Variants in NOTCH1 observed in about 807,000 individuals in gnomAD.
NOTCH1 encodes the protein neurogenic locus notch homolog protein 1.
A neutral mutation model predicts 254.8 loss-of-function variants in NOTCH1; 37 were observed. The ratio of observed to expected loss-of-function variants is 0.15; its 90% CI spans 0.11 to 0.19. The LOEUF (loss-of-function observed/expected upper bound fraction) is 0.19. Ranked by LOEUF, NOTCH1 falls within the 10% of genes least tolerant of loss-of-function variation. The pLI, the probability that NOTCH1 is intolerant of heterozygous loss-of-function variation, is 1.00. For missense variants in NOTCH1, 2,972 were observed against 3,708.6 expected, an observed-to-expected ratio of 0.80 and a Z score of 5.16; for synonymous variants, 1,731 against 1,618.1, an observed-to-expected ratio of 1.07 and a Z score of -1.68.
rs935662425 is a variant in NOTCH1 at position 136,499,011 on chromosome 9, C to T, written c.6083-15G>A. The stretch of plus-strand genomic sequence containing the variant: ...GGCGGACTTGCCTGCGTGAAAGAAG[C>T]AGATGGGGTAGGTTGGAGACCAGCT... On this transcript the variant is annotated splice_polypyrimidine_tract_variant and intron_variant, in intron 32 of 33. Coordinates refer to ENST00000651671, the MANE Select transcript of NOTCH1 (RefSeq NM_017617.5). The T allele has an allele frequency of 6.2e-7, 1 of 1,613,116 alleles. No homozygotes were observed. The highest frequency in any genetic ancestry group is 2.2e-5 in the East Asian group (1 of 44,884).
At position 136,497,421 on chromosome 9, in the gene NOTCH1, A is replaced by T. The variant is rs1842934886; in HGVS notation, c.6318T>A (p.His2106Gln). The T allele has an allele frequency of 1.9e-6, 3 of 1,611,760 alleles. No homozygotes were observed. ...LPRDIAQERM[H>Q]HDIVRLLDEY... ...CGTCCAGCAGCCTCACGATGTCGTG[A>T]TGCATGCGCTCCTGTGCGATGTCGC... The change falls in exon 34 of 34, where the codon CAT (histidine) becomes CAA (glutamine). Residue 2106 changes from histidine to glutamine, a missense_variant. Around this residue, in one of 8 missense-constraint regions of NOTCH1, gnomAD observed 529 missense variants for 529.2 expected, o/e 1.00. Transcript: ENST00000651671.
In NOTCH1 at chr9:136,513,208, C is replaced by T; in HGVS notation, c.2354-74G>A. 1 of 1,457,486 alleles carries T rather than the reference C, an allele frequency of 6.9e-7. No homozygotes were observed. The highest frequency in any genetic ancestry group is 1.1e-5 in the South Asian group (1 of 87,478). The allele number at this position is 1,457,486 out of a possible 1,614,324, so 90.3% of individuals were successfully genotyped here. On this transcript the variant is annotated intron_variant, in intron 14 of 33. Transcript: ENST00000651671. The surrounding 1 kb of genome is among the most constrained non-coding windows in gnomAD (Gnocchi z 4.7). ...TTGGCAGGGCCCCACAACAGCAGCCCTGGGCCTGCTCCCCACCCCAGGCCC... is the reference window on the plus strand; with the variant it reads ...TTGGCAGGGCCCCACAACAGCAGCCTTGGGCCTGCTCCCCACCCCAGGCCC...
In NOTCH1 at chr9:136,504,701, T is replaced by TCCG; in HGVS notation, c.4987_4989dup (p.Arg1664dup). 1 of 1,534,210 alleles carries TCCG rather than the reference T, an allele frequency of 6.5e-7. No individual in the cohort carries two copies. Among genetic ancestry groups the TCCG allele is most frequent in the Non-Finnish European group, 8.8e-7 (1 of 1,138,874 alleles). On this transcript the variant is annotated inframe_insertion, in exon 26 of 34. Coordinates refer to ENST00000651671, the MANE Select transcript of NOTCH1 (RefSeq NM_017617.5). The stretch of plus-strand genomic sequence containing the variant: ...CGGACGTCCATGGGGTCCAGCTCCC[T>TCCG]CCGCCGCCGCCCACCCTCGCTGCCA...
intron 9 of NOTCH1, among the ~76,000 whole-genome samples, chr9:136,516,329 C>T (rs1843272219): frequency 6.6e-6 from 1 of 152,250 alleles, no homozygotes; most frequent in African/African-American, 2.4e-5. Context: ...CCCAAACCGA[C>T]TGGGTTGCTA....
intron 2 of NOTCH1, among the ~76,000 whole-genome samples, chr9:136,535,724 GGGTGGA>G (rs577187868): frequency 9.6e-5 from 3 of 31,202 alleles, no homozygotes; most frequent in Admixed American, 2.9e-4. Context: ...GGGTGGGAGT[GGGTGGA>G]GGGGGGAGCA....
intron 5 of NOTCH1, 39 bp from the exon 6 acceptor site, chr9:136,518,863 A>G: frequency 6.3e-7 from 1 of 1,576,914 alleles, no homozygotes; most frequent in African/African-American, 1.3e-5. Context: ...GGCAGCTGCC[A>G]CTCCCTGAGC....
rs777809068 is a variant in NOTCH1, at chr9:136,496,990, G to A, written c.6749C>T (p.Ala2250Val). ...THLGIGHLNV[A>V]AKPEMAALGG... ...CAGCGCCGCCATCTCGGGCTTGGCC[G>A]CCACGTTCAGGTGCCCGATGCCCAG... Residue 2250 changes from alanine (A) to valine (V), a missense_variant, in exon 34 of 34, where the codon GCG becomes GTG. This residue lies in a region of NOTCH1 where 529 missense variants were observed against 529.2 expected (regional missense o/e 1.00). Transcript: ENST00000651671. The A allele has an allele frequency of 1.8e-5, 29 of 1,610,098 alleles. No homozygotes were observed. Among genetic ancestry groups the A allele is most frequent in the Admixed American group, 3.3e-5 (2 of 59,852 alleles).
chr9:136,509,252 C>T (rs2133349334), intron 18 of NOTCH1, among the ~76,000 whole-genome samples, 181 bp from the exon 19 acceptor site: 1 of 152,360 alleles, frequency 6.6e-6, no homozygotes, highest in Non-Finnish European at 1.5e-5. Context: ...CCGGCTCTCA[C>T]ACCACGTCAC....
At chr9:136,514,407 C>T (rs906080547) in intron 13 of NOTCH1, 103 bp downstream of exon 13, 19 of 1,315,192 alleles carry the variant, frequency 1.4e-5, no homozygotes, top group East Asian at 2.5e-5. Context: ...GTCCGAGGCC[C>T]GTTTCTGGCC....
intron 33 of NOTCH1, among the ~76,000 whole-genome samples, chr9:136,497,927 C>A (rs1222662351): frequency 1.3e-5 from 2 of 152,180 alleles, no homozygotes; most frequent in African/African-American, 4.8e-5. Context: ...TCAGAGGCAC[C>A]GGCGAGGGCA....
chr9:136,528,098 T>G (rs1362626068), intron 2 of NOTCH1, among the ~76,000 whole-genome samples: 1 of 151,698 alleles, frequency 6.6e-6, no homozygotes, highest in Admixed American at 6.6e-5. Context: ...CAGAAGACAG[T>G]TCCCTCCGCC....
intron 2 of NOTCH1, among the ~76,000 whole-genome samples, chr9:136,526,595 C>T (rs1843464028): frequency 6.6e-6 from 1 of 152,210 alleles, no homozygotes; most frequent in African/African-American, 2.4e-5. Context: ...GCCCCTAGAG[C>T]AGTCTCCCAC....
At position 136,513,745 on chromosome 9, in the gene NOTCH1, G is replaced by A. The variant is rs1017340862; in HGVS notation, c.2208-208C>T. Among the ~76,000 whole-genome samples, 1 of 152,174 alleles carries A rather than the reference G, an allele frequency of 6.6e-6. No homozygotes were observed. The highest frequency in any genetic ancestry group is 1.5e-5 in the Non-Finnish European group (1 of 68,032). On this transcript the variant is annotated intron_variant, in intron 13 of 33. Coordinates refer to ENST00000651671, the MANE Select transcript of NOTCH1 (RefSeq NM_017617.5). This position sits in a 1 kb window ranked among gnomAD's most constrained non-coding sequence, Gnocchi z 4.7. ...AGGCGGGGGTGGCTGAGTCACTTGA[G>A]GCCAGGAGTTCAAGATCAGCCTGGC...
intron 2 of NOTCH1, among the ~76,000 whole-genome samples, chr9:136,533,072 C>CGTGAACATGAAACCACACATGTT (rs367666292): frequency 8.6e-6 from 1 of 116,436 alleles, no homozygotes. Flanking sequence ...CGGCCTGAGC[C>CGTGAACATGAAACCACACATGTT]CCGCCACCAT....
rs187761416 is a variant in NOTCH1 at position 136,545,122 on chromosome 9, C to T, written c.61+604G>A. 1.7e-4 allele frequency among the ~76,000 whole-genome samples: 26 copies of T among 152,216 alleles called. No individual in the cohort carries two copies. Among genetic ancestry groups the T allele is most frequent in the Admixed American group, 1.6e-3 (24 of 15,298 alleles). On this transcript the variant is annotated intron_variant, in intron 1 of 33. Transcript: ENST00000651671. This position sits in a 1 kb window ranked among gnomAD's most constrained non-coding sequence, Gnocchi z 6.8. ...CCGCAAAGCAAAAGGAAAGTTCAGTCCCCCCGGGCGCGGCGGCTTCTTACG... is the reference window on the plus strand; with the variant it reads ...CCGCAAAGCAAAAGGAAAGTTCAGTTCCCCCGGGCGCGGCGGCTTCTTACG...
chr9:136,514,246 C>T (rs578092073), intron 13 of NOTCH1, among the ~76,000 whole-genome samples: 145 of 152,346 alleles, frequency 9.5e-4, no homozygotes, highest in South Asian at 3.9e-3. Context: ...ACCATGGAAA[C>T]GTGTTCCAGG....
Position 136,545,705 on chromosome 9 carries a change from C to G in NOTCH1, c.61+21G>C. 1 of 1,427,930 alleles carries G rather than the reference C, an allele frequency of 7.0e-7. No homozygotes were observed. Among genetic ancestry groups the G allele is most frequent in the Admixed American group, 2.7e-5 (1 of 36,376 alleles). 88.5% of individuals were successfully genotyped at this position (1,427,930 alleles called of 1,614,324 possible). Reference sequence around the variant, plus strand: ...CCAAAGGGCGCGGAAAGTGGGGGCTCGCGGGTGGGTGGGCGCCTACCTCGT... The same window carrying G: ...CCAAAGGGCGCGGAAAGTGGGGGCTGGCGGGTGGGTGGGCGCCTACCTCGT... On this transcript the variant is annotated intron_variant, in intron 1 of 33. Transcript: ENST00000651671. This position sits in a 1 kb window ranked among gnomAD's most constrained non-coding sequence, Gnocchi z 6.8.
At chr9:136,504,412 G>A (rs1843044576) in intron 26 of NOTCH1, among the ~76,000 whole-genome samples, 1 of 152,218 alleles carries the variant, frequency 6.6e-6, no homozygotes, top group African/African-American at 2.4e-5. Flanking sequence ...ACTGGGCACA[G>A]GAGTGCCGCC....
rs754785324 is a variant in NOTCH1, at chr9:136,503,330, G to C, written c.5019C>G (p.Gly1673=). The C allele has an allele frequency of 3.1e-6, 5 of 1,612,596 alleles. No homozygotes were observed. The African/African-American group carries it at 6.7e-5, about 22-fold the overall frequency. ...TGTCAATCTCCAGGTAGACGATGGA[G>C]CTGGGCGGACAATCAGAGAGGGGCT... is the stretch of plus-strand genomic sequence containing the variant. ...RRELDPMDVR[G]SIVYLEIDNR... Residue 1673 remains glycine (G), a splice_region_variant and synonymous_variant, in exon 27 of 34, where the codon GGC becomes GGG. Coordinates refer to ENST00000651671, the MANE Select transcript of NOTCH1 (RefSeq NM_017617.5).
Sources: gnomAD v4.1 joint callset for allele counts (sites outside exome capture counted in the v4.1 genomes callset) on GRCh38, gnomAD v4.1.1 for gene constraint, gnomAD v4.1.1 regional missense constraint, Gnocchi (gnomAD v3.1) non-coding constraint, MANE v1.5 for transcripts, NCBI Gene and HGNC (gene_info 2026-07-23, HGNC 2026-07-21) for gene names.